Variants in NCKAP5 observed in about 807,000 individuals in gnomAD.
NCKAP5 encodes nck-associated protein 5.
In NCKAP5, 92 loss-of-function variants were observed where a neutral mutation model predicts 167.0. The observed-to-expected ratio is 0.55, with a 90% CI of 0.47 to 0.66. The LOEUF (loss-of-function observed/expected upper bound fraction) is 0.66. NCKAP5 is among the 30% of genes least tolerant of loss of function. The probability of loss-of-function intolerance (pLI) is 0.00; values close to 1 mark genes in which losing one functional copy is unlikely to be tolerated. For synonymous variants in NCKAP5, 891 were observed against 877.4 expected (o/e 1.02, Z -0.27); for missense variants, 2,378 against 2,315.0 (o/e 1.03, Z -0.56).
chr2:132,819,265 A>T (rs186108624), intron 11 of NCKAP5, among the ~76,000 whole-genome samples: 1 of 152,266 alleles, frequency 6.6e-6, no homozygotes, highest in East Asian at 1.9e-4. Flanking sequence ...TTACCTCTAG[A>T]ACCTGGAGTC....
chr2:132,763,284 C>G (rs1681169305), intron 16 of NCKAP5, among the ~76,000 whole-genome samples: 1 of 152,172 alleles, frequency 6.6e-6, no homozygotes, highest in Non-Finnish European at 1.5e-5. Context: ...TGGTCCCATC[C>G]TACAAATCCA....
At chr2:133,390,322 C>A (rs114093808) in intron 3 of NCKAP5, among the ~76,000 whole-genome samples, 1 of 152,144 alleles carries the variant, frequency 6.6e-6, no homozygotes, top group African/African-American at 2.4e-5. Context: ...TGGGTACCAG[C>A]CAGTGATGAC....
chr2:133,448,180 A>G (rs1270259187), intron 3 of NCKAP5, among the ~76,000 whole-genome samples: 5 of 152,060 alleles, frequency 3.3e-5, no homozygotes, highest in Non-Finnish European at 5.9e-5. Context: ...AAGCAAGTAT[A>G]AATCTTCTGT....
intron 8 of NCKAP5, among the ~76,000 whole-genome samples, chr2:132,929,524 T>C (rs978691010): frequency 6.6e-6 from 1 of 152,168 alleles, no homozygotes; most frequent in Non-Finnish European, 1.5e-5. Flanking sequence ...GGGAGTACAA[T>C]TTAAGAAAAT....
chr2:133,386,722 T>C (rs1402923538), intron 3 of NCKAP5, among the ~76,000 whole-genome samples: 1 of 152,244 alleles, frequency 6.6e-6, no homozygotes, highest in Middle Eastern at 3.2e-3. Context: ...TTTATGAATC[T>C]GGGTGCTCCT....
chr2:132,986,065 CT>C (rs1482342196), intron 7 of NCKAP5, among the ~76,000 whole-genome samples: 3 of 151,164 alleles, frequency 2.0e-5, no homozygotes, highest in Non-Finnish European at 4.4e-5. Context: ...TTTGTTAAGG[CT>C]TAAAAAAAAA....
intron 3 of NCKAP5, among the ~76,000 whole-genome samples, chr2:133,308,088 T>C: frequency 7.7e-6 from 1 of 130,692 alleles, no homozygotes; most frequent in Non-Finnish European, 1.6e-5. Flanking sequence ...TATTTTTTTT[T>C]TTTTTTTTTT....
chr2:133,023,621 T>C (rs533216161), intron 6 of NCKAP5, among the ~76,000 whole-genome samples: 1 of 152,330 alleles, frequency 6.6e-6, no homozygotes, highest in Non-Finnish European at 1.5e-5. Context: ...TCTAGTAGTT[T>C]CCAGGGTCTA....
chr2:133,176,963 T>C (rs2150014809), intron 5 of NCKAP5, among the ~76,000 whole-genome samples: 1 of 152,146 alleles, frequency 6.6e-6, no homozygotes, highest in East Asian at 1.9e-4. Context: ...CTCTTTAAGC[T>C]AAAAATGTGT....
At chr2:133,476,754 G>GCT (rs1374873047) in intron 3 of NCKAP5, among the ~76,000 whole-genome samples, 2 of 152,168 alleles carry the variant, frequency 1.3e-5, no homozygotes, top group African/African-American at 4.8e-5. Flanking sequence ...TAGGCTTCAT[G>GCT]CTCTTATAGC....
At chr2:133,470,987 T>A (rs555372304) in intron 3 of NCKAP5, among the ~76,000 whole-genome samples, 10 of 152,364 alleles carry the variant, frequency 6.6e-5, no homozygotes, top group African/African-American at 1.7e-4. Context: ...TCGCTCACGC[T>A]GGGAGCTGTA....
At chr2:133,213,265 A>G (rs1432359493) in intron 5 of NCKAP5, among the ~76,000 whole-genome samples, 1 of 152,218 alleles carries the variant, frequency 6.6e-6, no homozygotes, top group Non-Finnish European at 1.5e-5. Flanking sequence ...AAGGACAAGG[A>G]AAAATATATT....
chr2:133,358,239 A>G (rs996344954), intron 3 of NCKAP5, among the ~76,000 whole-genome samples: 1 of 152,132 alleles, frequency 6.6e-6, no homozygotes, highest in African/African-American at 2.4e-5. Context: ...TTATGGTTCT[A>G]GCTCCCATTT....
intron 14 of NCKAP5, 126 bp from the exon 15 acceptor site, chr2:132,781,355 A>C: frequency 1.2e-6 from 1 of 860,006 alleles, no homozygotes; most frequent in Non-Finnish European, 1.7e-6. Context: ...CCTTTGACGG[A>C]TAAGGGTTTC....
At chr2:133,391,375 C>CA (rs1307839553) in intron 3 of NCKAP5, 2 of 155,740 alleles carry the variant, frequency 1.3e-5, no homozygotes, top group East Asian at 3.9e-4. Flanking sequence ...GGACAGATAT[C>CA]ACAGCCAGAT....
intron 5 of NCKAP5, among the ~76,000 whole-genome samples, chr2:133,177,065 C>G (rs2084493130): frequency 6.6e-6 from 1 of 151,758 alleles, no homozygotes. Flanking sequence ...CAAAAGTTAT[C>G]ACTGATTTAA....
intron 3 of NCKAP5, among the ~76,000 whole-genome samples, chr2:133,385,190 A>G (rs1686849004): frequency 6.6e-6 from 1 of 152,170 alleles, no homozygotes; most frequent in Non-Finnish European, 1.5e-5. Flanking sequence ...GGTCTGTCAT[A>G]AATAGCTCTT....
chr2:132,878,708 G>T, intron 9 of NCKAP5, 140 bp downstream of exon 9: 1 of 684,550 alleles, frequency 1.5e-6, no homozygotes. Context: ...CTTTTCAATG[G>T]CTACATGTTT....
At chr2:132,985,879 C>T (rs2077273407) in intron 7 of NCKAP5, among the ~76,000 whole-genome samples, 1 of 152,080 alleles carries the variant, frequency 6.6e-6, no homozygotes, top group Non-Finnish European at 1.5e-5. Flanking sequence ...TAAATAAAAG[C>T]TCTCAATAAA....
Sources: gnomAD v4.1 joint callset for allele counts (sites outside exome capture counted in the v4.1 genomes callset) on GRCh38, gnomAD v4.1.1 for gene constraint, MANE v1.5 for transcripts, NCBI Gene and HGNC (gene_info 2026-07-23, HGNC 2026-07-21) for gene names.